Variants in ARHGAP39 observed in about 807,000 individuals in gnomAD.
ARHGAP39 encodes the protein Rho GTPase activating protein 39, also known as rho GTPase-activating protein 39.
In ARHGAP39, 44 loss-of-function variants were observed where a neutral mutation model predicts 106.9. The ratio of observed to expected loss-of-function variants is 0.41; its 90% CI spans 0.32 to 0.53. The LOEUF is 0.53. Ranked by LOEUF, ARHGAP39 falls within the 20% of genes least tolerant of loss-of-function variation. The pLI, the probability that ARHGAP39 is intolerant of heterozygous loss-of-function variation, is 0.21. For synonymous variants in ARHGAP39, 768 were observed against 693.2 expected (o/e 1.11, Z -1.69); for missense variants, 1,496 against 1,577.3 (o/e 0.95, Z 0.87).
rs11984646 is a variant in ARHGAP39, at chr8:144,555,704, C to T, written c.513-61G>A. Reference sequence around the variant, plus strand: ...AGTGCAATCGTTTACCATAACCAGCCACTCCCTGACTTAAGAATGTGGCAC... The same window carrying T: ...AGTGCAATCGTTTACCATAACCAGCTACTCCCTGACTTAAGAATGTGGCAC... On this transcript the variant is annotated intron_variant, in intron 3 of 11. Transcript: ENST00000377307. The T allele has an allele frequency of 0.015, 21,544 of 1,431,838 alleles. 2,197 individuals are homozygous for T. The African/African-American group carries it at 0.24, about 16-fold the overall frequency. The allele number at this position is 1,431,838 out of a possible 1,614,324, so 88.7% of individuals were successfully genotyped here.
At position 144,645,516 on chromosome 8, in the gene ARHGAP39, C is replaced by T. The variant is rs911657581; in HGVS notation, c.-81-39821G>A. On this transcript the variant is annotated intron_variant, in intron 1 of 11. Coordinates refer to ENST00000377307, the MANE Select transcript of ARHGAP39 (RefSeq NM_025251.3). The surrounding 1 kb of genome is among the most constrained non-coding windows in gnomAD (Gnocchi z 4.4). ...TCTCCGTCAGGGCAGAGCCTCCCCG[C>T]CTCACTCTGGTCTCTCCTGGCAGAG... Among the ~76,000 whole-genome samples the T allele has an allele frequency of 6.6e-6, 1 of 151,732 alleles. No homozygotes were observed. The highest frequency in any genetic ancestry group is 6.6e-5 in the Admixed American group (1 of 15,256).
rs1008336478 is a variant in ARHGAP39 at position 144,644,929 on chromosome 8, C to T, written c.-81-39234G>A. ...TCTGCCCCTAGCAGGTCCTCTGCTC[C>T]GTGCTGCCACACCCTGCCCAGTGCG... On this transcript the variant is annotated intron_variant, in intron 1 of 11. Transcript: ENST00000377307. The surrounding 1 kb of genome is among the most constrained non-coding windows in gnomAD (Gnocchi z 4.8). Among the ~76,000 whole-genome samples the T allele has an allele frequency of 2.6e-5, 4 of 152,248 alleles. No homozygotes were observed. Among genetic ancestry groups the T allele is most frequent in the African/African-American group, 7.2e-5 (3 of 41,468 alleles).
At chr8:144,558,005 G>C (rs888629429) in intron 3 of ARHGAP39, among the ~76,000 whole-genome samples, 5 of 152,238 alleles carry the variant, frequency 3.3e-5, no homozygotes, top group African/African-American at 1.2e-4. Flanking sequence ...GCAGTGCGGA[G>C]AGACCTCACT....
At chr8:144,665,299 C>T (rs1197074753) in intron 1 of ARHGAP39, among the ~76,000 whole-genome samples, 3 of 152,120 alleles carry the variant, frequency 2.0e-5, no homozygotes, top group African/African-American at 7.2e-5. Context: ...AAAAGGGAAA[C>T]AGAGCATAGA....
chr8:144,652,972 G>T (rs1017637724), intron 1 of ARHGAP39, among the ~76,000 whole-genome samples: 4 of 152,080 alleles, frequency 2.6e-5, no homozygotes, highest in Non-Finnish European at 5.9e-5. Flanking sequence ...GGTTCTCAAC[G>T]TGATTTTAAT....
chr8:144,618,907 C>T (rs1477240222), intron 1 of ARHGAP39, among the ~76,000 whole-genome samples: 3 of 152,258 alleles, frequency 2.0e-5, no homozygotes, highest in Non-Finnish European at 2.9e-5. Flanking sequence ...ACAGCGGCCT[C>T]GTCTGGTTCT....
chr8:144,662,366 T>C (rs935551173), intron 1 of ARHGAP39, among the ~76,000 whole-genome samples: 1 of 147,842 alleles, frequency 6.8e-6, no homozygotes, highest in Non-Finnish European at 1.5e-5. Context: ...GTTATCCACC[T>C]TGGACCACGT....
intron 2 of ARHGAP39, among the ~76,000 whole-genome samples, chr8:144,598,733 A>T (rs1819726339): frequency 1.3e-5 from 2 of 152,216 alleles, no homozygotes; most frequent in African/African-American, 4.8e-5. Context: ...AGTCACCTGG[A>T]TGGAGGTGAC....
Position 144,547,040 on chromosome 8 carries a change from C to A in ARHGAP39, c.1959+87G>T. ...CGTGCTGCGTGCACGCCCTGGACGC[C>A]AGGTCTCCTGTGCCTGGCCCACGGG... On this transcript the variant is annotated intron_variant, in intron 5 of 11. Coordinates refer to ENST00000377307, the MANE Select transcript of ARHGAP39 (RefSeq NM_025251.3). This position sits in a 1 kb window ranked among gnomAD's most constrained non-coding sequence, Gnocchi z 5.2. 1 of 1,433,348 alleles carries A rather than the reference C, an allele frequency of 7.0e-7. No homozygotes were observed. Among genetic ancestry groups the A allele is most frequent in the South Asian group, 1.5e-5 (1 of 67,822 alleles). 88.8% of individuals were successfully genotyped at this position (1,433,348 alleles called of 1,614,324 possible). A position where few individuals can be genotyped will look rare whatever the true frequency, so the allele number is the denominator to read the frequency against.
intron 3 of ARHGAP39, among the ~76,000 whole-genome samples, chr8:144,576,315 AGAGT>A (rs367868413): frequency 0.023 from 3,210 of 142,606 alleles, 77 homozygotes; most frequent in Admixed American, 0.066. Flanking sequence ...CCTGGGCGAC[AGAGT>A]GAGACTCCGT....
chr8:144,682,198 T>A (rs996635517), intron 1 of ARHGAP39, among the ~76,000 whole-genome samples: 1 of 123,464 alleles, frequency 8.1e-6, no homozygotes, highest in Non-Finnish European at 1.6e-5. Context: ...CAAGCCGAGA[T>A]CTCGCCACTG....
At chr8:144,605,006 G>A (rs1299875392) in intron 2 of ARHGAP39, among the ~76,000 whole-genome samples, 1 of 152,190 alleles carries the variant, frequency 6.6e-6, no homozygotes, top group Non-Finnish European at 1.5e-5. Context: ...TCACGTCTGT[G>A]ATCCTGGCAC....
intron 2 of ARHGAP39, among the ~76,000 whole-genome samples, chr8:144,583,091 T>G (rs967718269): frequency 2.0e-5 from 3 of 152,146 alleles, no homozygotes; most frequent in African/African-American, 7.2e-5. Context: ...ACCCCCGCTC[T>G]GGTCCGTGCT....
rs74430931 is a variant in ARHGAP39, at chr8:144,646,848, C to G, written c.-82+38838G>C. The stretch of plus-strand genomic sequence containing the variant: ...TTTTCTCCACCACACTTGCTGCAGA[C>G]GAGGGTCCGGGACCAGACACGCCCA... On this transcript the variant is annotated intron_variant, in intron 1 of 11. Transcript: ENST00000377307. This position sits in a 1 kb window ranked among gnomAD's most constrained non-coding sequence, Gnocchi z 5.7. Among the ~76,000 whole-genome samples, 1 of 152,072 alleles carries G rather than the reference C, an allele frequency of 6.6e-6. No individual in the cohort carries two copies. Among genetic ancestry groups the G allele is most frequent in the Non-Finnish European group, 1.5e-5 (1 of 68,020 alleles).
At chr8:144,606,697 G>A (rs1820305280) in intron 1 of ARHGAP39, among the ~76,000 whole-genome samples, 1 of 152,152 alleles carries the variant, frequency 6.6e-6, no homozygotes, top group Non-Finnish European at 1.5e-5. Context: ...TGACCACCTG[G>A]TGGGGGTCAG....
At chr8:144,557,552 C>T (rs1205538573) in intron 3 of ARHGAP39, among the ~76,000 whole-genome samples, 1 of 148,708 alleles carries the variant, frequency 6.7e-6, no homozygotes, top group East Asian at 2.0e-4. Context: ...GAGGCAAAGG[C>T]TGAACCTTCA....
At chr8:144,656,978 G>A (rs1369036974) in intron 1 of ARHGAP39, among the ~76,000 whole-genome samples, 1 of 152,052 alleles carries the variant, frequency 6.6e-6, no homozygotes, top group Non-Finnish European at 1.5e-5. Context: ...TAACTTGATA[G>A]CCAATGTATC....
intron 1 of ARHGAP39, among the ~76,000 whole-genome samples, chr8:144,659,470 T>C (rs1401350867): frequency 6.6e-6 from 1 of 152,246 alleles, no homozygotes; most frequent in East Asian, 1.9e-4. Flanking sequence ...GAGTCCTGTC[T>C]TAACCATGAC....
intron 9 of ARHGAP39, 63 bp from the exon 10 acceptor site, chr8:144,532,459 T>G (rs117567558): frequency 0.051 from 73,943 of 1,445,706 alleles, 2,184 homozygotes; most frequent in Non-Finnish European, 0.06. Flanking sequence ...TGATTCCGCC[T>G]GGACACTCCC....
Sources: allele counts gnomAD v4.1 joint callset (sites outside exome capture counted in the v4.1 genomes callset), GRCh38; gene constraint gnomAD v4.1.1; non-coding constraint Gnocchi (gnomAD v3.1); transcripts MANE v1.5; gene names NCBI Gene and HGNC (gene_info 2026-07-23, HGNC 2026-07-21).